PATJ: variants seen among roughly 807,000 people sequenced by gnomAD.
PATJ encodes the protein inaD-like protein.
PATJ carries 190 observed loss-of-function variants against 224.9 expected under a neutral mutation model. That is an observed-to-expected ratio of 0.84 (90% confidence interval 0.75 to 0.95). PATJ has a LOEUF of 0.95. Among genes scored for constraint, PATJ ranks in the 40% least tolerant of loss-of-function variants. The pLI is 0.00. For synonymous variants in PATJ, 769 were observed against 820.3 expected (o/e 0.94, Z 1.07); for missense variants, 2,121 against 2,270.3 (o/e 0.93, Z 1.34).
At chr1:62,044,132 A>G (rs746581087) in intron 30 of PATJ, among the ~76,000 whole-genome samples, 2 of 152,198 alleles carry the variant, frequency 1.3e-5, no homozygotes, top group African/African-American at 4.8e-5. Flanking sequence ...GTTGAAATCT[A>G]CTTTCTTAGA....
chr1:62,160,873 A>AC, intron 43 of PATJ, 35 bp from the exon 44 acceptor site: 1 of 1,610,516 alleles, frequency 6.2e-7, no homozygotes. Context: ...ACTGTGTTTT[A>AC]CCCTGGATTA....
At chr1:61,909,527 C>T (rs1324695399) in intron 25 of PATJ, among the ~76,000 whole-genome samples, 7 of 152,128 alleles carry the variant, frequency 4.6e-5, no homozygotes, top group African/African-American at 1.7e-4. Context: ...GCCTAGAGTG[C>T]AGTGGCATGA....
At chr1:61,874,215 T>C (rs1031539299) in intron 20 of PATJ, among the ~76,000 whole-genome samples, 5 of 150,028 alleles carry the variant, frequency 3.3e-5, no homozygotes, top group African/African-American at 1.2e-4. Flanking sequence ...TTTATTTATT[T>C]ATTTTTGAGA....
intron 31 of PATJ, among the ~76,000 whole-genome samples, chr1:62,056,551 C>G (rs1450521986): frequency 6.6e-6 from 1 of 151,966 alleles, no homozygotes; most frequent in African/African-American, 2.4e-5. Flanking sequence ...GTGGCCGAGG[C>G]TGGTGGATCA....
chr1:61,833,869 C>T lies in PATJ; in HGVS notation c.2112+84C>T, dbSNP rs918594342. ...GGGAAGTAGCAATTGTTTAAGACCC[C>T]TATTGACTTAAGCAAAACTGAATCC... On this transcript the variant is annotated intron_variant, in intron 17 of 43. Coordinates refer to ENST00000642238, the MANE Select transcript of PATJ (RefSeq NM_001350145.3). 3.1e-6 allele frequency: 4 copies of T among 1,282,988 alleles called. No homozygotes were observed. In the African/African-American group the frequency reaches 6.1e-5, roughly 19 times the overall value. 79.5% of individuals were successfully genotyped at this position (1,282,988 alleles called of 1,614,324 possible). A position where few individuals can be genotyped will look rare whatever the true frequency, so the allele number is the denominator to read the frequency against.
chr1:61,761,348 T>C (rs1645961144), intron 1 of PATJ, among the ~76,000 whole-genome samples: 1 of 152,044 alleles, frequency 6.6e-6, no homozygotes, highest in Non-Finnish European at 1.5e-5. Context: ...TGTCCATCAC[T>C]CCAAAAAAGC....
In PATJ at chr1:62,079,449, G is replaced by A. The variant is rs199695620; in HGVS notation, c.4126-1G>A. On this transcript the variant is annotated splice_acceptor_variant, in intron 31 of 43. Coordinates refer to ENST00000642238, the MANE Select transcript of PATJ (RefSeq NM_001350145.3). LOFTEE classifies it high-confidence loss of function. ...TCATCTAATTTTCCTTTCTTTTGTA[G>A]GCTGTCAGCCAGATGAAACAGCAAA... The A allele has an allele frequency of 8.8e-6, 14 of 1,583,548 alleles. No individual in the cohort carries two copies. Among genetic ancestry groups the A allele is most frequent in the African/African-American group, 1.3e-5 (1 of 74,146 alleles).
intron 37 of PATJ, among the ~76,000 whole-genome samples, chr1:62,119,254 G>A (rs865889136): frequency 3.3e-5 from 5 of 152,156 alleles, no homozygotes; most frequent in East Asian, 3.9e-4. Flanking sequence ...GCTGGTAGCC[G>A]ACTGTGAAAA....
Position 62,116,678 on chromosome 1 carries a change from A to G in PATJ, c.4802A>G (p.Lys1601Arg), listed in dbSNP as rs1289407194. Residue 1601 changes from lysine to arginine, a missense_variant and splice_region_variant, in exon 36 of 44, where the codon AAG becomes AGG. Transcript: ENST00000642238. ...ASQETVATIL[K>R]CAQGLVQLEI... ...CAGGAGACAGTGGCCACCATCCTCA[A>G]GGTGAGTTGCTAGGCTGCTTTTTAC... 2.5e-6 allele frequency: 4 copies of G among 1,606,362 alleles called. No individual in the cohort carries two copies. Among genetic ancestry groups the G allele is most frequent in the Non-Finnish European group, 3.4e-6 (4 of 1,176,288 alleles).
At chr1:62,067,130 T>C (rs964285981) in intron 31 of PATJ, among the ~76,000 whole-genome samples, 14 of 143,472 alleles carry the variant, frequency 9.8e-5, no homozygotes, top group South Asian at 2.4e-4. Context: ...TTTCTTTTTT[T>C]TTTTTTTTTT....
At chr1:61,836,813 C>T (rs1660251866) in intron 17 of PATJ, among the ~76,000 whole-genome samples, 1 of 152,206 alleles carries the variant, frequency 6.6e-6, no homozygotes, top group Non-Finnish European at 1.5e-5. Flanking sequence ...TCAGCATGTC[C>T]TGTATGAATT....
chr1:61,770,740 T>C (rs1412059683), intron 5 of PATJ, among the ~76,000 whole-genome samples: 1 of 151,804 alleles, frequency 6.6e-6, no homozygotes, highest in Non-Finnish European at 1.5e-5. Context: ...CAAAACCCCA[T>C]CTCTACAAAA....
intron 1 of PATJ, among the ~76,000 whole-genome samples, chr1:61,757,878 C>A (rs149641779): frequency 1.3e-4 from 20 of 152,186 alleles, no homozygotes; most frequent in Non-Finnish European, 2.4e-4. Flanking sequence ...TGTTGAACTC[C>A]TGGGCTCAAG....
At chr1:62,120,405 G>C (rs1664906164) in intron 37 of PATJ, among the ~76,000 whole-genome samples, 1 of 152,058 alleles carries the variant, frequency 6.6e-6, no homozygotes, top group Non-Finnish European at 1.5e-5. Context: ...GTGATCTTAG[G>C]CTTAGCTTAA....
At chr1:61,770,822 A>G (rs1201942307) in intron 5 of PATJ, among the ~76,000 whole-genome samples, 1 of 151,868 alleles carries the variant, frequency 6.6e-6, no homozygotes, top group Admixed American at 6.6e-5. Context: ...AGGTGGGAGA[A>G]TCACCTGAGC....
At chr1:61,997,982 T>TTTTTTATATATATATATATATATATATA (rs374175697) in intron 28 of PATJ, among the ~76,000 whole-genome samples, 1 of 118,338 alleles carries the variant, frequency 8.5e-6, no homozygotes, top group African/African-American at 3.9e-5. Flanking sequence ...TGTGCCCAGC[T>TTTTTTATATATATATATATATATATATA]TATATATGTA....
chr1:61,760,887 C>G (rs932883111), intron 1 of PATJ, among the ~76,000 whole-genome samples: 1 of 152,102 alleles, frequency 6.6e-6, no homozygotes, highest in Non-Finnish European at 1.5e-5. Flanking sequence ...TGTGGGATTA[C>G]AGGTGTGAGC....
intron 35 of PATJ, 62 bp from the exon 36 acceptor site, chr1:62,116,470 C>T: frequency 3.2e-6 from 5 of 1,568,464 alleles, no homozygotes; most frequent in Non-Finnish European, 4.4e-6. Context: ...GTCACACACA[C>T]ACGTATTATG....
intron 11 of PATJ, among the ~76,000 whole-genome samples, chr1:61,797,808 A>AC (rs985548425): frequency 2.0e-5 from 3 of 150,808 alleles, no homozygotes; most frequent in African/African-American, 7.3e-5. Context: ...GTTTCCTATT[A>AC]CTTTTTTTTT....
Sources: allele counts gnomAD v4.1 joint callset (sites outside exome capture counted in the v4.1 genomes callset), GRCh38; gene constraint gnomAD v4.1.1; transcripts MANE v1.5; gene names NCBI Gene and HGNC (gene_info 2026-07-23, HGNC 2026-07-21).